The following MKLN1 variants were observed in gnomAD, a reference collection of about 807,000 sequenced individuals.
MKLN1 encodes the protein muskelin.
MKLN1 carries 18 observed loss-of-function variants against 99.0 expected under a neutral mutation model. The observed-to-expected ratio is 0.18, with a 90% confidence interval of 0.13 to 0.27. The LOEUF (loss-of-function observed/expected upper bound fraction) is 0.27. Among genes scored for constraint, MKLN1 ranks in the 10% least tolerant of loss-of-function variants. MKLN1 has a pLI of 1.00. For synonymous variants in MKLN1, 288 were observed against 293.2 expected, an observed-to-expected ratio of 0.98 and a Z score of 0.18; for missense variants, 621 against 875.9, an observed-to-expected ratio of 0.71 and a Z score of 3.67.
intron 3 of MKLN1, among the ~76,000 whole-genome samples, chr7:131,208,148 A>T (rs1037180126): frequency 6.6e-6 from 1 of 152,218 alleles, no homozygotes; most frequent in African/African-American, 2.4e-5. Context: ...AAAGAGTGAT[A>T]CAATTAGGGT....
At chr7:131,446,080 A>G (rs1429813279) in intron 12 of MKLN1, among the ~76,000 whole-genome samples, 177 bp downstream of exon 12, 1 of 152,202 alleles carries the variant, frequency 6.6e-6, no homozygotes, top group Admixed American at 6.5e-5. Context: ...ATTTTTAAAT[A>G]TGGGAATTAC....
chr7:131,181,551 GA>G (rs1796376804), intron 2 of MKLN1, among the ~76,000 whole-genome samples: 1 of 151,300 alleles, frequency 6.6e-6, no homozygotes, highest in African/African-American at 2.4e-5. Context: ...CTACCAAAAA[GA>G]AAAAAAATTA....
At chr7:131,242,482 G>A (rs1251080471) in intron 3 of MKLN1, 1 of 237,566 alleles carries the variant, frequency 4.2e-6, no homozygotes, top group Non-Finnish European at 8.4e-6. Flanking sequence ...ACTAAAGTGA[G>A]CTGTGATTGC....
chr7:131,487,796 A>T lies in MKLN1; in HGVS notation c.*68A>T, dbSNP rs2116712903. ...TTTCCGTCTTTTGGATTGCAGCTCC[A>T]CTGACTGACAGTAAAGCTGCAGTGA... is the stretch of plus-strand genomic sequence containing the variant. On this transcript the variant is annotated 3_prime_UTR_variant, in exon 18 of 18. Transcript: ENST00000352689. The surrounding 1 kb of genome is among the most constrained non-coding windows in gnomAD (Gnocchi z 4.7). The T allele has an allele frequency of 6.4e-7, 1 of 1,555,222 alleles. No individual in the cohort carries two copies. Among genetic ancestry groups the T allele is most frequent in the East Asian group, 2.3e-5 (1 of 44,404 alleles).
intron 1 of MKLN1, among the ~76,000 whole-genome samples, chr7:131,134,904 C>T (rs952132799): frequency 2.6e-5 from 4 of 152,162 alleles, no homozygotes; most frequent in Non-Finnish European, 5.9e-5. Context: ...GTCCAGATTC[C>T]CTAGCTGTAA....
chr7:131,442,091 C>G (rs1390003077), intron 10 of MKLN1, among the ~76,000 whole-genome samples: 1 of 152,082 alleles, frequency 6.6e-6, no homozygotes, highest in Non-Finnish European at 1.5e-5. Flanking sequence ...ACCATGTTTA[C>G]CAAGATTTCA....
chr7:131,149,472 T>C (rs1477816254), intron 2 of MKLN1, among the ~76,000 whole-genome samples: 2 of 152,182 alleles, frequency 1.3e-5, no homozygotes, highest in African/African-American at 4.8e-5. Context: ...AAATTTATCA[T>C]TGGATTTAGC....
intron 7 of MKLN1, among the ~76,000 whole-genome samples, chr7:131,414,087 C>T (rs1308150727): frequency 1.3e-5 from 2 of 152,062 alleles, no homozygotes; most frequent in Non-Finnish European, 2.9e-5. Flanking sequence ...ATACATTATA[C>T]ATTATACAAA....
At chr7:131,457,397 G>A (rs1052938881) in intron 12 of MKLN1, among the ~76,000 whole-genome samples, 1 of 151,846 alleles carries the variant, frequency 6.6e-6, no homozygotes, top group East Asian at 1.9e-4. Context: ...AGAACCATAC[G>A]GAAATAGTAG....
intron 12 of MKLN1, among the ~76,000 whole-genome samples, chr7:131,460,325 C>T (rs954665031): frequency 2.0e-5 from 3 of 152,160 alleles, no homozygotes; most frequent in African/African-American, 4.8e-5. Flanking sequence ...AGGACTGTAT[C>T]AATTAAGAAA....
In MKLN1 at chr7:131,388,874, T is replaced by A; in HGVS notation, c.312-10T>A. ...AAGTCAGATTTAATAGCCTTATTTT[T>A]TTCCCACAGTGGCTTAAAGAATGAT... On this transcript the variant is annotated splice_polypyrimidine_tract_variant and intron_variant, in intron 3 of 17. Coordinates refer to ENST00000352689, the MANE Select transcript of MKLN1 (RefSeq NM_013255.5). 6.3e-7 allele frequency: 1 copy of A among 1,586,650 alleles called. No individual in the cohort carries two copies. Among genetic ancestry groups the A allele is most frequent in the Non-Finnish European group, 8.6e-7 (1 of 1,160,322 alleles).
At chr7:131,187,013 A>T (rs1405674663) in intron 2 of MKLN1, among the ~76,000 whole-genome samples, 1 of 152,212 alleles carries the variant, frequency 6.6e-6, no homozygotes, top group East Asian at 1.9e-4. Flanking sequence ...AGAGGCGTGA[A>T]ATAGCACAAT....
upstream of MKLN1, among the ~76,000 whole-genome samples, chr7:131,325,534 A>G (rs1383378924): frequency 6.6e-6 from 1 of 152,008 alleles, no homozygotes; most frequent in Non-Finnish European, 1.5e-5. Flanking sequence ...TGTGTCTACA[A>G]AAAAATTTAA....
chr7:131,469,223 T>TGGCC (rs1051242581), intron 15 of MKLN1, among the ~76,000 whole-genome samples: 1 of 152,096 alleles, frequency 6.6e-6, no homozygotes, highest in African/African-American at 2.4e-5. Context: ...GATGGATGGA[T>TGGCC]GGCCGGCCGG....
intron 3 of MKLN1, among the ~76,000 whole-genome samples, chr7:131,208,013 G>C (rs143220987): frequency 6.6e-6 from 1 of 152,284 alleles, no homozygotes; most frequent in South Asian, 2.1e-4. Context: ...ATGGAGGGAG[G>C]GGGGAGATTT....
intron 17 of MKLN1, among the ~76,000 whole-genome samples, chr7:131,481,471 G>T (rs966468235): frequency 1.2e-4 from 18 of 152,262 alleles, no homozygotes; most frequent in Non-Finnish European, 2.4e-4. Context: ...GGAGGCCGAG[G>T]TGAGATGATC....
intron 4 of MKLN1, among the ~76,000 whole-genome samples, chr7:131,396,019 A>T (rs1478771748): frequency 6.6e-6 from 1 of 150,764 alleles, no homozygotes; most frequent in South Asian, 2.1e-4. Context: ...GGAAAAGTTG[A>T]TTTTTGTGTG....
intron 2 of MKLN1, among the ~76,000 whole-genome samples, chr7:131,195,001 C>T (rs767071272): frequency 2.6e-5 from 4 of 152,170 alleles, no homozygotes; most frequent in Non-Finnish European, 4.4e-5. Context: ...GCTGTCAACA[C>T]GGGCACCTCC....
At chr7:131,220,418 A>T (rs1478134046) in intron 3 of MKLN1, among the ~76,000 whole-genome samples, 1 of 148,476 alleles carries the variant, frequency 6.7e-6, no homozygotes, top group Non-Finnish European at 1.5e-5. Flanking sequence ...CCTTGTATAC[A>T]TGTAACCGTA....
Sources: allele counts gnomAD v4.1 joint callset (sites outside exome capture counted in the v4.1 genomes callset), GRCh38; gene constraint gnomAD v4.1.1; non-coding constraint Gnocchi (gnomAD v3.1); transcripts MANE v1.5; gene names NCBI Gene and HGNC (gene_info 2026-07-23, HGNC 2026-07-21).